The following FAXC variants were observed in gnomAD, a reference collection of about 807,000 sequenced individuals.
FAXC encodes the protein failed axon connections homolog, metaxin like GST domain containing.
A neutral mutation model predicts 41.9 loss-of-function variants in FAXC; 10 were observed. That is an observed-to-expected ratio of 0.24 (90% CI 0.15 to 0.41). The LOEUF (loss-of-function observed/expected upper bound fraction) is 0.41. Ranked by LOEUF, FAXC falls within the 10% of genes least tolerant of loss-of-function variation. The pLI is 1.00. For missense variants in FAXC, 399 were observed against 510.9 expected, an observed-to-expected ratio of 0.78 and a Z score of 2.11; for synonymous variants, 183 against 183.8, an observed-to-expected ratio of 1.00 and a Z score of 0.03.
intron 5 of FAXC, among the ~76,000 whole-genome samples, chr6:99,290,101 C>CCACACACACACACACACA (rs34319104): frequency 1.6e-4 from 23 of 142,480 alleles, no homozygotes; most frequent in African/African-American, 5.6e-4. Flanking sequence ...CCCTACCCCA[C>CCACACACACACACACACA]CACACACACA....
chr6:99,284,914 C>CAA (rs554724370), intron 5 of FAXC, among the ~76,000 whole-genome samples: 1 of 101,804 alleles, frequency 9.8e-6, no homozygotes, highest in African/African-American at 3.8e-5. Flanking sequence ...GCCTCTATCT[C>CAA]AAAAAAAAAA....
At chr6:99,282,229 T>C (rs1226971647) in intron 5 of FAXC, among the ~76,000 whole-genome samples, 2 of 152,186 alleles carry the variant, frequency 1.3e-5, no homozygotes, top group Admixed American at 6.5e-5. Context: ...TTATATTCCA[T>C]AAAAATACGT....
chr6:99,298,695 C>T (rs1300126394), intron 4 of FAXC, among the ~76,000 whole-genome samples: 1 of 152,128 alleles, frequency 6.6e-6, no homozygotes, highest in Non-Finnish European at 1.5e-5. Context: ...TTATGATAGC[C>T]TTAATTATGT....
intron 4 of FAXC, among the ~76,000 whole-genome samples, chr6:99,294,408 G>T (rs932162286): frequency 6.6e-6 from 1 of 152,216 alleles, no homozygotes; most frequent in Non-Finnish European, 1.5e-5. Context: ...GCAGGAGGGG[G>T]TGTTGGCCAG....
At position 99,276,770 on chromosome 6, in the gene FAXC, T is replaced by G. The variant is rs1355988860; in HGVS notation, c.*4394A>C. 6.6e-6 allele frequency: 1 copy of G among 152,218 alleles called. No homozygotes were observed. The highest frequency in any genetic ancestry group is 2.4e-5 in the African/African-American group (1 of 41,460). 9.4% of individuals were successfully genotyped at this position (152,218 alleles called of 1,614,324 possible). A position where few individuals can be genotyped will look rare whatever the true frequency, so the allele number is the denominator to read the frequency against. ...CAGGAGGTCTCTAAATTTCCTGAAT[T>G]TATATGTAACATTTTATGTATTTGC... On this transcript the variant is annotated 3_prime_UTR_variant, in exon 6 of 6. Transcript: ENST00000389677.
In FAXC at chr6:99,278,068, T is replaced by C. The variant is rs1210349757; in HGVS notation, c.*3096A>G. 6.6e-6 allele frequency: 1 copy of C among 152,162 alleles called. No individual in the cohort carries two copies. The highest frequency in any genetic ancestry group is 1.5e-5 in the Non-Finnish European group (1 of 68,044). 9.4% of individuals were successfully genotyped at this position (152,162 alleles called of 1,614,324 possible). A position where few individuals can be genotyped will look rare whatever the true frequency, so the allele number is the denominator to read the frequency against. On this transcript the variant is annotated 3_prime_UTR_variant, in exon 6 of 6. Transcript: ENST00000389677. ...ACATGGGCAGGGCTCACTTGAGGAG[T>C]AGACTGCAGTCTGATTCAAGTCCAA...
At chr6:99,306,938 T>G (rs1254388666) in intron 4 of FAXC, among the ~76,000 whole-genome samples, 1 of 152,156 alleles carries the variant, frequency 6.6e-6, no homozygotes, top group East Asian at 1.9e-4. Context: ...GACTAATGTC[T>G]CATCAAGAGG....
intron 2 of FAXC, among the ~76,000 whole-genome samples, chr6:99,341,208 A>C (rs1430168746): frequency 2.5e-5 from 1 of 39,598 alleles, no homozygotes; most frequent in African/African-American, 1.3e-4. Flanking sequence ...ATCTATTAGA[A>C]AGCAGGAAAT....
chr6:99,316,486 C>T (rs1772361395), intron 4 of FAXC, among the ~76,000 whole-genome samples: 2 of 152,212 alleles, frequency 1.3e-5, no homozygotes, highest in Admixed American at 1.3e-4. Context: ...TATAAGAGGG[C>T]CGCAATGTGG....
intron 2 of FAXC, among the ~76,000 whole-genome samples, chr6:99,336,126 G>A: frequency 6.6e-6 from 1 of 152,070 alleles, no homozygotes; most frequent in East Asian, 1.9e-4. Flanking sequence ...ATGTTGCCCA[G>A]GCTGGTCTCA....
At chr6:99,338,650 G>C (rs762692002) in intron 2 of FAXC, among the ~76,000 whole-genome samples, 1 of 152,206 alleles carries the variant, frequency 6.6e-6, no homozygotes, top group Non-Finnish European at 1.5e-5. Flanking sequence ...TGATGGAATA[G>C]AGACAGGTAG....
chr6:99,331,864 T>A (rs1356476572), intron 3 of FAXC, among the ~76,000 whole-genome samples: 1 of 152,186 alleles, frequency 6.6e-6, no homozygotes, highest in Non-Finnish European at 1.5e-5. Context: ...GAAGCTAAGT[T>A]TTTCCTGGAA....
intron 4 of FAXC, among the ~76,000 whole-genome samples, chr6:99,308,235 T>A (rs903114416): frequency 6.6e-6 from 1 of 152,230 alleles, no homozygotes; most frequent in Non-Finnish European, 1.5e-5. Flanking sequence ...AGGCGGAGAT[T>A]GCAGTGAGCC....
chr6:99,284,262 A>C (rs953186284), intron 5 of FAXC: 2 of 152,166 alleles, frequency 1.3e-5, no homozygotes, highest in African/African-American at 4.8e-5. Flanking sequence ...AAGACTTATG[A>C]GGAGACAGGT....
intron 2 of FAXC, among the ~76,000 whole-genome samples, chr6:99,338,523 G>C (rs979929998): frequency 3.3e-5 from 5 of 152,184 alleles, no homozygotes; most frequent in African/African-American, 4.8e-5. Context: ...TATCAAAGGT[G>C]GGGGAGCACA....
chr6:99,325,276 A>G (rs549503939), intron 3 of FAXC, among the ~76,000 whole-genome samples: 1 of 152,316 alleles, frequency 6.6e-6, no homozygotes, highest in East Asian at 1.9e-4. Context: ...AAAAACAAAT[A>G]AAAATAAGAA....
At position 99,349,298 on chromosome 6, in the gene FAXC, G is replaced by T. The variant is rs770270220; in HGVS notation, c.75C>A (p.Phe25Leu). Residue 25 changes from phenylalanine (F) to leucine (L), a missense_variant, in exon 1 of 6, where the codon TTC (phenylalanine) becomes TTA (leucine). Transcript: ENST00000389677. ...CCTCGGACCCGGCCCACCAGCCGAA[G>T]AAGGAGATGCTCTGGTTCCAGCTCA... ...VDLSWNQSIS[F>L]FGWWAGSEEP... is the part of the protein sequence containing the mutation. 1 of 1,613,406 alleles carries T rather than the reference G, an allele frequency of 6.2e-7. No individual in the cohort carries two copies. The highest frequency in any genetic ancestry group is 8.5e-7 in the Non-Finnish European group (1 of 1,179,978).
chr6:99,320,200 G>A (rs1482873578), intron 4 of FAXC, among the ~76,000 whole-genome samples: 1 of 152,144 alleles, frequency 6.6e-6, no homozygotes, highest in African/African-American at 2.4e-5. Flanking sequence ...ATTTTACTAA[G>A]AGTGTTTATC....
chr6:99,291,155 A>G (rs898635845), intron 5 of FAXC, among the ~76,000 whole-genome samples: 1 of 152,236 alleles, frequency 6.6e-6, no homozygotes. Context: ...CTGTTAGAAC[A>G]GGAGGAAAGA....
Sources: gnomAD v4.1 joint callset for allele counts (sites outside exome capture counted in the v4.1 genomes callset) on GRCh38, gnomAD v4.1.1 for gene constraint, MANE v1.5 for transcripts, NCBI Gene and HGNC (gene_info 2026-07-23, HGNC 2026-07-21) for gene names.